Variants in DGKB observed in about 807,000 individuals in gnomAD.
DGKB encodes the protein diacylglycerol kinase beta.
A neutral mutation model predicts 114.3 loss-of-function variants in DGKB; 67 were observed. The ratio of observed to expected loss-of-function variants is 0.59; its 90% CI spans 0.48 to 0.72. The LOEUF (loss-of-function observed/expected upper bound fraction) is 0.72, where lower values mean the gene tolerates loss of function less well. Ranked by LOEUF, DGKB falls within the 30% of genes least tolerant of loss-of-function variation. The pLI, the probability that DGKB is intolerant of heterozygous loss-of-function variation, is 0.00. For missense variants in DGKB, 907 were observed against 975.2 expected, an observed-to-expected ratio of 0.93 and a Z score of 0.93; for synonymous variants, 398 against 323.1, an observed-to-expected ratio of 1.23 and a Z score of -2.49.
chr7:14,825,486 A>G (rs1301015699), intron 2 of DGKB, among the ~76,000 whole-genome samples: 1 of 152,120 alleles, frequency 6.6e-6, no homozygotes, highest in African/African-American at 2.4e-5. Context: ...TTTCATAAGG[A>G]GCACACAACC....
chr7:14,352,378 T>A (rs998727945), intron 21 of DGKB, among the ~76,000 whole-genome samples: 3 of 152,206 alleles, frequency 2.0e-5, no homozygotes, highest in African/African-American at 4.8e-5. Context: ...GAATTTTCTA[T>A]CATAATACTA....
intron 15 of DGKB, among the ~76,000 whole-genome samples, chr7:14,616,863 G>T (rs773078999): frequency 5.3e-5 from 8 of 151,702 alleles, no homozygotes; most frequent in Non-Finnish European, 1.2e-4. Flanking sequence ...AAGTGTCTAG[G>T]AAAGATTTTA....
At chr7:14,189,898 A>C (rs1584349663) in intron 23 of DGKB, among the ~76,000 whole-genome samples, 2 of 152,192 alleles carry the variant, frequency 1.3e-5, no homozygotes, top group Non-Finnish European at 1.5e-5. Flanking sequence ...AAAGCACTCA[A>C]ATATATAGAG....
chr7:14,229,121 A>T (rs1791304060), intron 23 of DGKB, among the ~76,000 whole-genome samples: 1 of 152,040 alleles, frequency 6.6e-6, no homozygotes, highest in Admixed American at 6.6e-5. Context: ...TTATATATAA[A>T]ATCCAGCAGA....
chr7:14,194,529 ATC>A (rs760485720), intron 23 of DGKB, among the ~76,000 whole-genome samples: 1 of 152,148 alleles, frequency 6.6e-6, no homozygotes, highest in Non-Finnish European at 1.5e-5. Context: ...GAAGATAAGA[ATC>A]TGGTACATAA....
At chr7:14,336,472 G>C (rs1022598079) in intron 23 of DGKB, among the ~76,000 whole-genome samples, 1 of 152,090 alleles carries the variant, frequency 6.6e-6, no homozygotes, top group African/African-American at 2.4e-5. Flanking sequence ...ACCTCTCTGA[G>C]CTCTGCTGTT....
Position 14,338,520 on chromosome 7 carries a change from C to T in DGKB, c.2117G>A (p.Ser706Asn). 1.3e-6 allele frequency: 2 copies of T among 1,557,554 alleles called. No individual in the cohort carries two copies. The highest frequency in any genetic ancestry group is 1.7e-6 in the Non-Finnish European group (2 of 1,154,934). The change falls in exon 23 of 26, where the codon AGT becomes AAT. Residue 706 changes from serine to asparagine, a missense_variant. By Grantham distance (46) the Ser-to-Asn change is conservative. This residue lies in a region of DGKB where 814 missense variants were observed against 856.6 expected (regional missense o/e 0.95). Transcript: ENST00000402815. The stretch of plus-strand genomic sequence containing the variant: ...CTAATTGTTAGAAAACTGACCTTGA[C>T]TTGCAAACTTCAACTCTTTGGCATC... The part of the protein sequence containing the change: ...VTDAKELKFA[S>N]QDLSDQLLEV...
intron 7 of DGKB, among the ~76,000 whole-genome samples, chr7:14,700,415 T>C (rs985366025): frequency 6.6e-6 from 1 of 152,078 alleles, no homozygotes; most frequent in East Asian, 1.9e-4. Context: ...GGTTTCACCA[T>C]GTTGGCCAGC....
chr7:14,543,460 A>G (rs575515477), intron 20 of DGKB, among the ~76,000 whole-genome samples: 27 of 150,572 alleles, frequency 1.8e-4, no homozygotes, highest in African/African-American at 6.4e-4. Context: ...AAACAAAAAC[A>G]AAAAAAAAGA....
intron 23 of DGKB, among the ~76,000 whole-genome samples, chr7:14,260,928 C>G (rs923314657): frequency 1.3e-5 from 2 of 152,042 alleles, no homozygotes; most frequent in Non-Finnish European, 2.9e-5. Context: ...ATACATTTAA[C>G]GAAATCAAAG....
intron 23 of DGKB, among the ~76,000 whole-genome samples, chr7:14,245,807 A>G (rs147401514): frequency 0.011 from 1,641 of 152,204 alleles, 17 homozygotes; most frequent in Middle Eastern, 0.048. Flanking sequence ...GTGCGCCTGT[A>G]GTCCCAGCTA....
At chr7:14,755,181 CA>C (rs1350819260) in intron 3 of DGKB, among the ~76,000 whole-genome samples, 7 of 152,014 alleles carry the variant, frequency 4.6e-5, no homozygotes, top group African/African-American at 1.7e-4. Context: ...GAATGATTAT[CA>C]AATGATCTTT....
At chr7:14,163,249 A>T (rs1270296564) in intron 25 of DGKB, among the ~76,000 whole-genome samples, 1 of 151,944 alleles carries the variant, frequency 6.6e-6, no homozygotes, top group African/African-American at 2.4e-5. Flanking sequence ...CTTTTTTTTT[A>T]ACCAATCTGA....
intron 23 of DGKB, among the ~76,000 whole-genome samples, chr7:14,193,846 G>GA (rs996552306): frequency 6.6e-6 from 1 of 151,730 alleles, no homozygotes; most frequent in Non-Finnish European, 1.5e-5. Flanking sequence ...AACTCAATGG[G>GA]AAAAAAACCC....
At chr7:14,410,083 T>A (rs1408591129) in intron 21 of DGKB, among the ~76,000 whole-genome samples, 2 of 152,008 alleles carry the variant, frequency 1.3e-5, no homozygotes, top group Non-Finnish European at 2.9e-5. Flanking sequence ...TCTTGCAATG[T>A]TGAAGGGTCA....
chr7:14,343,940 T>C (rs1202506879), intron 22 of DGKB, among the ~76,000 whole-genome samples: 1 of 147,508 alleles, frequency 6.8e-6, no homozygotes, highest in East Asian at 1.9e-4. Flanking sequence ...TTATATATAA[T>C]ATATATAACT....
At chr7:14,757,759 G>T in intron 2 of DGKB, 28 bp from the exon 3 acceptor site, 1 of 1,334,552 alleles carries the variant, frequency 7.5e-7, no homozygotes, top group Non-Finnish European at 1.1e-6. Flanking sequence ...CACAAAAATT[G>T]TTTATATGCA....
intron 21 of DGKB, among the ~76,000 whole-genome samples, chr7:14,433,938 A>G (rs1487377345): frequency 2.6e-5 from 4 of 152,224 alleles, no homozygotes; most frequent in South Asian, 4.1e-4. Flanking sequence ...TGCATGCAAC[A>G]AAGTCTTGAC....
chr7:14,375,927 AT>A (rs1400698821), intron 21 of DGKB, among the ~76,000 whole-genome samples: 1 of 152,226 alleles, frequency 6.6e-6, no homozygotes, highest in African/African-American at 2.4e-5. Flanking sequence ...AGGTCTTAGT[AT>A]TTGAACTAGG....
Sources: allele counts gnomAD v4.1 joint callset (sites outside exome capture counted in the v4.1 genomes callset), GRCh38; gene constraint gnomAD v4.1.1; regional missense constraint gnomAD v4.1.1; transcripts MANE v1.5; gene names NCBI Gene and HGNC (gene_info 2026-07-23, HGNC 2026-07-21).